The following RBFOX3 variants were observed in gnomAD, a reference collection of about 807,000 sequenced individuals.
RBFOX3 encodes the protein RNA binding fox-1 homolog 3.
RBFOX3 carries 17 observed loss-of-function variants against 48.7 expected under a neutral mutation model. The observed-to-expected ratio is 0.35, with a 90% confidence interval of 0.24 to 0.52. The LOEUF (loss-of-function observed/expected upper bound fraction) is 0.52, where lower values mean the gene tolerates loss of function less well. RBFOX3 is among the 20% of genes least tolerant of loss of function. The pLI, the probability that RBFOX3 is intolerant of heterozygous loss-of-function variation, is 0.94. For missense variants in RBFOX3, 382 were observed against 497.5 expected, an observed-to-expected ratio of 0.77 and a Z score of 2.21; for synonymous variants, 212 against 209.5, an observed-to-expected ratio of 1.01 and a Z score of -0.10.
intron 4 of RBFOX3, among the ~76,000 whole-genome samples, chr17:79,197,214 G>C (rs2703543): frequency 0.63 from 95,496 of 150,822 alleles, 31,195 homozygotes; most frequent in Middle Eastern, 0.75. Context: ...GCAGCCCTCC[G>C]TCGGGGCTGT....
chr17:79,452,759 A>G (rs973449644), intron 2 of RBFOX3, among the ~76,000 whole-genome samples: 15 of 152,332 alleles, frequency 9.8e-5, no homozygotes, highest in Admixed American at 3.3e-4. Flanking sequence ...TCTCCCTGCC[A>G]TCAGTGGAGA....
intron 1 of RBFOX3, among the ~76,000 whole-genome samples, chr17:79,546,756 G>A (rs2090496753): frequency 1.3e-5 from 2 of 148,398 alleles, no homozygotes; most frequent in Admixed American, 6.8e-5. Flanking sequence ...TGCAACCTCC[G>A]ACTCCCAGGT....
At chr17:79,575,092 G>A (rs2144655709) in intron 1 of RBFOX3, among the ~76,000 whole-genome samples, 1 of 152,346 alleles carries the variant, frequency 6.6e-6, no homozygotes, top group East Asian at 1.9e-4. Context: ...GGTTCTGAAG[G>A]CAGCCTGGGT....
intron 3 of RBFOX3, among the ~76,000 whole-genome samples, chr17:79,257,966 C>T (rs540592387): frequency 1.2e-4 from 18 of 152,204 alleles, no homozygotes; most frequent in South Asian, 2.1e-4. Context: ...CTTGTGGGGA[C>T]GGGGGTCTCA....
intron 1 of RBFOX3, among the ~76,000 whole-genome samples, chr17:79,605,572 G>A (rs1415376664): frequency 2.6e-5 from 4 of 152,186 alleles, no homozygotes; most frequent in Admixed American, 2.6e-4. Context: ...GTACAGAGCG[G>A]TTGCTCCGCC....
intron 14 of RBFOX3, among the ~76,000 whole-genome samples, chr17:79,093,727 G>A (rs1053604531): frequency 6.6e-5 from 10 of 152,014 alleles, no homozygotes; most frequent in Middle Eastern, 6.8e-3. Flanking sequence ...GGTACAGGAG[G>A]CAGGTGTCTG....
chr17:79,318,464 A>G (rs969049756), intron 2 of RBFOX3, among the ~76,000 whole-genome samples: 1 of 152,176 alleles, frequency 6.6e-6, no homozygotes, highest in Non-Finnish European at 1.5e-5. Context: ...AATGCAGTTG[A>G]GCAACGGTCT....
chr17:79,131,411 T>G (rs2038876351), intron 4 of RBFOX3, among the ~76,000 whole-genome samples: 1 of 152,190 alleles, frequency 6.6e-6, no homozygotes, highest in Non-Finnish European at 1.5e-5. Flanking sequence ...TGAACGTTGG[T>G]AGCACCTCCA....
intron 4 of RBFOX3, among the ~76,000 whole-genome samples, chr17:79,232,732 A>T (rs1230296137): frequency 6.6e-6 from 1 of 152,256 alleles, no homozygotes; most frequent in Non-Finnish European, 1.5e-5. Flanking sequence ...AGCAAAGAAG[A>T]CATAATAAAT....
At chr17:79,213,517 AC>A (rs1197928388) in intron 4 of RBFOX3, among the ~76,000 whole-genome samples, 1 of 151,978 alleles carries the variant, frequency 6.6e-6, no homozygotes, top group Non-Finnish European at 1.5e-5. Context: ...TTGGCCTCCC[AC>A]CCCGCCAACC....
At chr17:79,616,505 C>T in the RBFOX3 span, among the ~76,000 whole-genome samples, 2 of 150,990 alleles carry the variant, frequency 1.3e-5, no homozygotes, top group South Asian at 2.1e-4. Flanking sequence ...CACTGCACTC[C>T]GGCTTGGGCG....
chr17:79,134,359 C>G (rs532558443), intron 4 of RBFOX3, among the ~76,000 whole-genome samples: 130 of 152,356 alleles, frequency 8.5e-4, no homozygotes, highest in Middle Eastern at 3.4e-3. Flanking sequence ...CCCTGATGAT[C>G]CCTTCTTTAA....
At chr17:79,640,386 G>A in the RBFOX3 span, among the ~76,000 whole-genome samples, 3 of 152,152 alleles carry the variant, frequency 2.0e-5, no homozygotes, top group Admixed American at 1.3e-4. Context: ...CACCTACCAC[G>A]CAAAGTGATC....
chr17:79,257,403 G>A (rs1442215184), intron 3 of RBFOX3, among the ~76,000 whole-genome samples: 3 of 152,218 alleles, frequency 2.0e-5, no homozygotes, highest in Admixed American at 2.0e-4. Context: ...CCAAAAAGAT[G>A]CTCTGACTAG....
intron 2 of RBFOX3, among the ~76,000 whole-genome samples, chr17:79,389,694 C>G (rs2061085868): frequency 6.6e-6 from 1 of 152,184 alleles, no homozygotes; most frequent in Admixed American, 6.5e-5. Flanking sequence ...AGACGACATG[C>G]CTTTCTTGTA....
At chr17:79,332,588 CAGAG>C (rs1274934370) in intron 2 of RBFOX3, among the ~76,000 whole-genome samples, 3 of 120,800 alleles carry the variant, frequency 2.5e-5, no homozygotes, top group African/African-American at 8.4e-5. Flanking sequence ...AACATAGAAC[CAGAG>C]AGACAGAGAG....
intron 4 of RBFOX3, among the ~76,000 whole-genome samples, chr17:79,148,734 C>T (rs972459914): frequency 6.6e-6 from 1 of 152,222 alleles, no homozygotes; most frequent in Non-Finnish European, 1.5e-5. Flanking sequence ...CCCAGAAGCA[C>T]AGGCCACAGA....
intron 4 of RBFOX3, among the ~76,000 whole-genome samples, chr17:79,182,667 C>T (rs1324545598): frequency 6.6e-6 from 1 of 152,008 alleles, no homozygotes; most frequent in African/African-American, 2.4e-5. Flanking sequence ...ACTCGCCAGC[C>T]GGAGCTTCCT....
chr17:79,439,066 G>A (rs60236734), intron 2 of RBFOX3, among the ~76,000 whole-genome samples: 5,620 of 152,310 alleles, frequency 0.037, 218 homozygotes, highest in African/African-American at 0.093. Context: ...CCAGGATGAC[G>A]AGGTAGAAAG....
Sources: gnomAD v4.1 joint callset for allele counts (sites outside exome capture counted in the v4.1 genomes callset) on GRCh38, gnomAD v4.1.1 for gene constraint, MANE v1.5 for transcripts, NCBI Gene and HGNC (gene_info 2026-07-23, HGNC 2026-07-21) for gene names.